Variants in TRAPPC9 observed in about 807,000 individuals in gnomAD.
TRAPPC9 encodes IKK2 binding protein.
Under a neutral mutation model 124.0 loss-of-function variants are expected in TRAPPC9, and 83 were observed. The ratio of observed to expected loss-of-function variants is 0.67; its 90% CI spans 0.56 to 0.80. The LOEUF (loss-of-function observed/expected upper bound fraction) is 0.80. Ranked by LOEUF, TRAPPC9 falls within the 30% of genes least tolerant of loss-of-function variation. The pLI, the probability that TRAPPC9 is intolerant of heterozygous loss-of-function variation, is 0.00. For synonymous variants in TRAPPC9, 638 were observed against 617.5 expected (o/e 1.03, Z -0.49); for missense variants, 1,302 against 1,508.3 (o/e 0.86, Z 2.27).
intron 15 of TRAPPC9, among the ~76,000 whole-genome samples, chr8:140,275,149 CT>C (rs921103366): frequency 7.2e-5 from 11 of 152,308 alleles, no homozygotes; most frequent in African/African-American, 1.7e-4. Context: ...ACTACCCCCC[CT>C]ATTTATCCAA....
At chr8:140,336,058 A>G (rs62529434) in intron 9 of TRAPPC9, among the ~76,000 whole-genome samples, 12,672 of 151,964 alleles carry the variant, frequency 0.083, 664 homozygotes, top group African/African-American at 0.14. Context: ...GTAATTCCTT[A>G]TTTTTAAGAA....
At chr8:140,360,705 G>A (rs528013754) in intron 8 of TRAPPC9, among the ~76,000 whole-genome samples, 59 of 152,180 alleles carry the variant, frequency 3.9e-4, no homozygotes, top group African/African-American at 9.1e-4. Flanking sequence ...AATTAAAGAC[G>A]GAGAAATCTG....
At chr8:140,093,497 T>C (rs992047066) in intron 17 of TRAPPC9, among the ~76,000 whole-genome samples, 1 of 151,996 alleles carries the variant, frequency 6.6e-6, no homozygotes, top group Non-Finnish European at 1.5e-5. Flanking sequence ...GTGAACCCCA[T>C]CTCTACCAAA....
chr8:139,759,588 C>T (rs1004258240), intron 21 of TRAPPC9, among the ~76,000 whole-genome samples: 3 of 152,128 alleles, frequency 2.0e-5, no homozygotes, highest in African/African-American at 4.8e-5. Context: ...TGCAGAGGAA[C>T]GAGCCTGGCG....
intron 19 of TRAPPC9, chr8:139,932,398 C>A (rs367911692): frequency 2.2e-6 from 1 of 457,920 alleles, no homozygotes; most frequent in South Asian, 1.5e-5. Context: ...TGGACCACCA[C>A]GTGGTATGGC....
At position 139,826,620 on chromosome 8, in the gene TRAPPC9, C is replaced by T. The variant is rs564992881; in HGVS notation, c.3055+59259G>A. On this transcript the variant is annotated intron_variant, in intron 21 of 22. Transcript: ENST00000438773. ...GCCAGGCCACATGGGCAGGGCTCGG[C>T]GATGGACAGGAAAGGGCAGAGGAGT... Among the ~76,000 whole-genome samples the T allele has an allele frequency of 5.4e-4, 82 of 152,224 alleles. 1 individual carries two copies. The South Asian group carries it at 7.3e-3, about 13-fold the overall frequency.
At chr8:140,418,850 T>C (rs1182846084) in intron 5 of TRAPPC9, among the ~76,000 whole-genome samples, 2 of 152,198 alleles carry the variant, frequency 1.3e-5, no homozygotes, top group East Asian at 1.9e-4. Context: ...AAAAGGTTTA[T>C]ACAACATGAT....
At chr8:139,835,149 T>C (rs1272834001) in intron 21 of TRAPPC9, among the ~76,000 whole-genome samples, 2 of 152,210 alleles carry the variant, frequency 1.3e-5, no homozygotes, top group African/African-American at 2.4e-5. Context: ...TCTTGGAGCC[T>C]TGGACTAGAG....
At chr8:139,741,738 C>T (rs546660989) in intron 21 of TRAPPC9, among the ~76,000 whole-genome samples, 1 of 152,274 alleles carries the variant, frequency 6.6e-6, no homozygotes, top group African/African-American at 2.4e-5. Flanking sequence ...CCATACATTT[C>T]CCTACTCTGA....
At chr8:140,199,640 A>G (rs987738223) in intron 17 of TRAPPC9, among the ~76,000 whole-genome samples, 10 of 150,986 alleles carry the variant, frequency 6.6e-5, no homozygotes, top group African/African-American at 2.4e-4. Context: ...GCTCAACTCA[A>G]TAAATCACTA....
intron 1 of TRAPPC9, among the ~76,000 whole-genome samples, chr8:140,456,429 A>G (rs1242116330): frequency 6.6e-6 from 1 of 150,930 alleles, no homozygotes; most frequent in African/African-American, 2.4e-5. Flanking sequence ...AAAAAAAAAG[A>G]AAAATCACTG....
chr8:139,813,957 G>A (rs2130759683), intron 21 of TRAPPC9, among the ~76,000 whole-genome samples: 1 of 152,216 alleles, frequency 6.6e-6, no homozygotes, highest in African/African-American at 2.4e-5. Context: ...TCACAGCCCA[G>A]CCCAGGGGTC....
intron 17 of TRAPPC9, among the ~76,000 whole-genome samples, chr8:140,170,889 C>A (rs780593035): frequency 6.6e-6 from 1 of 152,210 alleles, no homozygotes; most frequent in Non-Finnish European, 1.5e-5. Flanking sequence ...CCTCCAAGAA[C>A]CTCGGGCAGG....
chr8:140,285,827 C>T (rs1364280570), intron 13 of TRAPPC9, among the ~76,000 whole-genome samples: 1 of 152,146 alleles, frequency 6.6e-6, no homozygotes, highest in Non-Finnish European at 1.5e-5. Context: ...TTCGCTCCCA[C>T]GGCCACTCCA....
chr8:139,841,861 G>A (rs1341537611), intron 21 of TRAPPC9, among the ~76,000 whole-genome samples: 1 of 152,250 alleles, frequency 6.6e-6, no homozygotes, highest in Non-Finnish European at 1.5e-5. Context: ...AGCCCCAGCT[G>A]CCTGCACAAC....
chr8:140,061,271 G>A (rs1469087266), intron 17 of TRAPPC9, among the ~76,000 whole-genome samples: 1 of 121,278 alleles, frequency 8.2e-6, no homozygotes, highest in Non-Finnish European at 2.0e-5. Context: ...GTGTTCACGG[G>A]AAGACTGCCA....
intron 17 of TRAPPC9, among the ~76,000 whole-genome samples, chr8:140,076,270 G>A (rs1031673243): frequency 6.6e-5 from 10 of 152,108 alleles, no homozygotes; most frequent in South Asian, 2.1e-4. Context: ...ATGGCACCCC[G>A]GAGAGCCTCG....
chr8:139,875,026 G>A (rs926320517), intron 21 of TRAPPC9, among the ~76,000 whole-genome samples: 3 of 152,238 alleles, frequency 2.0e-5, no homozygotes, highest in Non-Finnish European at 4.4e-5. Context: ...CCTGAAAGGC[G>A]CAGTAGGTGC....
At chr8:140,089,277 C>T (rs1003658408) in intron 17 of TRAPPC9, among the ~76,000 whole-genome samples, 10 of 152,082 alleles carry the variant, frequency 6.6e-5, no homozygotes, top group African/African-American at 1.4e-4. Context: ...TCTATCCGCA[C>T]GAATGTCTCT....
Sources: gnomAD v4.1 joint callset for allele counts (sites outside exome capture counted in the v4.1 genomes callset) on GRCh38, gnomAD v4.1.1 for gene constraint, MANE v1.5 for transcripts, NCBI Gene and HGNC (gene_info 2026-07-23, HGNC 2026-07-21) for gene names.